ATOSA: variants seen among roughly 807,000 people sequenced by gnomAD.
The protein encoded by ATOSA is atos homolog A.
chr15:52,627,717 A>G, the ATOSA span, among the ~76,000 whole-genome samples: 1 of 151,898 alleles, frequency 6.6e-6, no homozygotes, highest in Non-Finnish European at 1.5e-5. Flanking sequence ...TTTTACTATG[A>G]TTTTTAAAAA....
the ATOSA span, among the ~76,000 whole-genome samples, chr15:52,695,287 A>G: frequency 2.0e-5 from 3 of 152,186 alleles, no homozygotes; most frequent in African/African-American, 7.2e-5. Flanking sequence ...CTCTCTGAAC[A>G]AGTCTGCGCT....
chr15:52,584,749 G>A, the ATOSA span: 1 of 1,609,344 alleles, frequency 6.2e-7, no homozygotes, highest in Non-Finnish European at 8.5e-7. Flanking sequence ...CATTACCTCA[G>A]ATGTATGAGG....
chr15:52,656,073 T>C, the ATOSA span: 4 of 152,018 alleles, frequency 2.6e-5, no homozygotes, highest in Non-Finnish European at 5.9e-5. Context: ...GTATACTGTA[T>C]TAATAACAAT....
the ATOSA span, chr15:52,649,922 C>G: frequency 6.6e-6 from 1 of 152,116 alleles, no homozygotes; most frequent in Admixed American, 6.6e-5. Context: ...CTGTGTGACA[C>G]AGCAGTACAC....
the ATOSA span, chr15:52,585,210 T>C: frequency 3.5e-6 from 1 of 283,010 alleles, no homozygotes; most frequent in South Asian, 5.2e-5. Context: ...ATATAAATTT[T>C]ACTCCTTGTT....
chr15:52,670,673 T>C, the ATOSA span, among the ~76,000 whole-genome samples: 1 of 152,224 alleles, frequency 6.6e-6, no homozygotes, highest in African/African-American at 2.4e-5. Flanking sequence ...CTAAAAGTAA[T>C]AAAATCCTCA....
the ATOSA span, among the ~76,000 whole-genome samples, chr15:52,702,351 C>T: frequency 6.6e-6 from 1 of 152,176 alleles, no homozygotes; most frequent in Non-Finnish European, 1.5e-5. Context: ...AAGATACAGA[C>T]TTAACCTAGG....
chr15:52,667,419 T>C, the ATOSA span, among the ~76,000 whole-genome samples: 1 of 152,240 alleles, frequency 6.6e-6, no homozygotes, highest in African/African-American at 2.4e-5. Flanking sequence ...TTGGAACAAC[T>C]AGGAAAATAT....
chr15:52,675,210 T>C, the ATOSA span, among the ~76,000 whole-genome samples: 1 of 152,192 alleles, frequency 6.6e-6, no homozygotes, highest in African/African-American at 2.4e-5. Context: ...CTATCGACTA[T>C]TGTGAAATCT....
chr15:52,656,206 C>G, the ATOSA span: 1 of 151,850 alleles, frequency 6.6e-6, no homozygotes, highest in South Asian at 2.1e-4. Context: ...GAAGACTAAG[C>G]AATAGTTAAA....
chr15:52,613,457 C>A, the ATOSA span, among the ~76,000 whole-genome samples: 1 of 152,178 alleles, frequency 6.6e-6, no homozygotes, highest in African/African-American at 2.4e-5. Flanking sequence ...GTGCCCACTT[C>A]CCCACTGATC....
chr15:52,635,020 T>C, the ATOSA span, among the ~76,000 whole-genome samples: 2 of 152,190 alleles, frequency 1.3e-5, no homozygotes, highest in South Asian at 2.1e-4. Flanking sequence ...CCACATTAAA[T>C]AGATTTCAGA....
At chr15:52,630,727 T>A in the ATOSA span, among the ~76,000 whole-genome samples, 1 of 152,076 alleles carries the variant, frequency 6.6e-6, no homozygotes. Flanking sequence ...GAGACTAATA[T>A]AAGAATGTTC....
chr15:52,655,959 C>T, the ATOSA span: 2 of 152,058 alleles, frequency 1.3e-5, no homozygotes, highest in Admixed American at 1.3e-4. Context: ...TTGAAGTTTC[C>T]TCTTTCCCTT....
At chr15:52,664,450 C>T in the ATOSA span, among the ~76,000 whole-genome samples, 1 of 152,180 alleles carries the variant, frequency 6.6e-6, no homozygotes, top group Non-Finnish European at 1.5e-5. Flanking sequence ...TTTCAATCCT[C>T]GCAGAAACCT....
chr15:52,656,259 A>G, the ATOSA span: 1 of 152,134 alleles, frequency 6.6e-6, no homozygotes, highest in Non-Finnish European at 1.5e-5. Flanking sequence ...GAAATTTATC[A>G]TATCATTAAA....
At chr15:52,687,001 A>G in the ATOSA span, among the ~76,000 whole-genome samples, 1 of 152,236 alleles carries the variant, frequency 6.6e-6, no homozygotes. Flanking sequence ...TTCTGCATTC[A>G]TTGAACTTTG....
the ATOSA span, among the ~76,000 whole-genome samples, chr15:52,605,549 GCAAT>G: frequency 6.6e-6 from 1 of 152,048 alleles, no homozygotes; most frequent in East Asian, 1.9e-4. Context: ...CACCTTGTCA[GCAAT>G]CAAAAAGTTT....
the ATOSA span, among the ~76,000 whole-genome samples, chr15:52,650,145 A>G: frequency 6.6e-6 from 1 of 152,196 alleles, no homozygotes; most frequent in African/African-American, 2.4e-5. Context: ...GAAAATTGCT[A>G]GATTGACTTT....
Sources: gnomAD v4.1 joint callset for allele counts (sites outside exome capture counted in the v4.1 genomes callset) on GRCh38, gnomAD v4.1.1 for gene constraint, MANE v1.5 for transcripts, NCBI Gene and HGNC (gene_info 2026-07-23, HGNC 2026-07-21) for gene names.